The following TMEM108 variants were observed in gnomAD, a reference collection of about 807,000 sequenced individuals.
The protein encoded by TMEM108 is cancer/testis antigen 124.
Under a neutral mutation model 35.1 loss-of-function variants are expected in TMEM108, and 12 were observed. The ratio of observed to expected loss-of-function variants is 0.34; its 90% confidence interval spans 0.22 to 0.55. The LOEUF is 0.55. Ranked by LOEUF, TMEM108 falls within the 20% of genes least tolerant of loss-of-function variation. TMEM108 has a pLI of 0.89. For missense variants in TMEM108, 680 were observed against 753.3 expected, an observed-to-expected ratio of 0.90 and a Z score of 1.14; for synonymous variants, 287 against 308.6, an observed-to-expected ratio of 0.93 and a Z score of 0.73.
rs772951071 is a variant in TMEM108 at position 133,109,527 on chromosome 3, ACT to A, written c.-47+63510_-47+63511del. 3.3e-5 allele frequency among the ~76,000 whole-genome samples: 5 copies of A among 152,240 alleles called. No individual in the cohort carries two copies. In the East Asian group the frequency reaches 5.8e-4, roughly 18 times the overall value. On this transcript the variant is annotated intron_variant, in intron 2 of 5. Transcript: ENST00000321871. ...GGGGAGAGTTCAGAGTGATAAGCTA[ACT>A]CTGTTTCTAAAGAGAATAGGGCAAA...
At chr3:133,224,434 A>G (rs1440159981) in intron 2 of TMEM108, among the ~76,000 whole-genome samples, 1 of 152,228 alleles carries the variant, frequency 6.6e-6, no homozygotes, top group Non-Finnish European at 1.5e-5. Flanking sequence ...ATATTGATAC[A>G]GTTTGGCTGT....
At chr3:133,059,753 T>C (rs762850567) in intron 2 of TMEM108, among the ~76,000 whole-genome samples, 1 of 152,184 alleles carries the variant, frequency 6.6e-6, no homozygotes, top group Non-Finnish European at 1.5e-5. Context: ...ACAAAAATCA[T>C]TGTTTTTGTT....
chr3:133,060,846 G>GA (rs928366572), intron 2 of TMEM108, among the ~76,000 whole-genome samples: 4 of 151,778 alleles, frequency 2.6e-5, no homozygotes, highest in African/African-American at 4.8e-5. Context: ...GTGTTTGTAC[G>GA]AAAAAAAACT....
At chr3:133,236,179 C>G (rs544763630) in intron 3 of TMEM108, among the ~76,000 whole-genome samples, 2 of 152,170 alleles carry the variant, frequency 1.3e-5, no homozygotes, top group African/African-American at 4.8e-5. Context: ...ATTTGAATTT[C>G]TTAAATCATG....
chr3:133,213,218 T>A (rs964456420), intron 2 of TMEM108, among the ~76,000 whole-genome samples: 1 of 152,214 alleles, frequency 6.6e-6, no homozygotes, highest in Non-Finnish European at 1.5e-5. Context: ...TACACCATTA[T>A]TAGCCCAGGA....
intron 2 of TMEM108, among the ~76,000 whole-genome samples, chr3:133,046,680 C>T (rs910630536): frequency 1.3e-5 from 2 of 152,124 alleles, no homozygotes; most frequent in Admixed American, 1.3e-4. Flanking sequence ...ACTTGTGCTG[C>T]AGATTTTTGA....
At chr3:133,385,736 G>T (rs940601046) in intron 4 of TMEM108, among the ~76,000 whole-genome samples, 1 of 152,234 alleles carries the variant, frequency 6.6e-6, no homozygotes, top group Admixed American at 6.5e-5. Flanking sequence ...GACTTGGCTT[G>T]TGGAATCAAA....
chr3:133,052,670 T>C (rs1943419583), intron 2 of TMEM108, among the ~76,000 whole-genome samples: 1 of 152,116 alleles, frequency 6.6e-6, no homozygotes, highest in African/African-American at 2.4e-5. Flanking sequence ...AATGTTCTTT[T>C]CCTTTTGGTT....
intron 2 of TMEM108, among the ~76,000 whole-genome samples, chr3:133,100,597 C>T (rs1944074454): frequency 6.6e-6 from 1 of 152,010 alleles, no homozygotes; most frequent in Admixed American, 6.6e-5. Flanking sequence ...AGAGCAAGAC[C>T]CTGTCTCATA....
At chr3:133,370,814 A>G (rs755484448) in intron 3 of TMEM108, among the ~76,000 whole-genome samples, 6 of 151,588 alleles carry the variant, frequency 4.0e-5, no homozygotes, top group Non-Finnish European at 5.9e-5. Flanking sequence ...TATGTCCTCA[A>G]TATGCAGACA....
At position 133,254,743 on chromosome 3, in the gene TMEM108, G is replaced by A. The variant is rs116159402; in HGVS notation, c.40+25392G>A. On this transcript the variant is annotated intron_variant, in intron 3 of 5. Transcript: ENST00000321871. The stretch of plus-strand genomic sequence containing the variant: ...TGTTTAACAATTACCCCAGACCTTC[G>A]TGGCATAAAACAACCATGTATTATG... 4.4e-3 allele frequency among the ~76,000 whole-genome samples: 668 copies of A among 152,226 alleles called. 2 individuals carry two copies. Among genetic ancestry groups the A allele is most frequent in the African/African-American group, 0.015 (610 of 41,522 alleles).
chr3:133,261,892 C>T (rs1244023145), intron 3 of TMEM108, among the ~76,000 whole-genome samples: 1 of 152,178 alleles, frequency 6.6e-6, no homozygotes, highest in Non-Finnish European at 1.5e-5. Flanking sequence ...TGTGGAAAAC[C>T]ATGAGTTTGT....
At chr3:133,209,468 C>T (rs1373742242) in intron 2 of TMEM108, among the ~76,000 whole-genome samples, 1 of 152,120 alleles carries the variant, frequency 6.6e-6, no homozygotes, top group Non-Finnish European at 1.5e-5. Flanking sequence ...CCATGCCATG[C>T]TGCAAGCTCT....
chr3:133,362,334 A>G (rs1309308703), intron 3 of TMEM108, among the ~76,000 whole-genome samples: 2 of 152,092 alleles, frequency 1.3e-5, no homozygotes, highest in African/African-American at 2.4e-5. Context: ...TTTGTTCTGA[A>G]CCTGCAGCCT....
chr3:133,296,749 TAGA>T (rs2107699741), intron 3 of TMEM108, among the ~76,000 whole-genome samples: 1 of 152,192 alleles, frequency 6.6e-6, no homozygotes, highest in Non-Finnish European at 1.5e-5. Context: ...AGAGCTGGCA[TAGA>T]AGGATTAGGA....
At chr3:133,233,564 A>T (rs891120043) in intron 3 of TMEM108, among the ~76,000 whole-genome samples, 1 of 152,114 alleles carries the variant, frequency 6.6e-6, no homozygotes, top group Non-Finnish European at 1.5e-5. Context: ...CAGTAATGGG[A>T]TGGCTGGGTC....
chr3:133,391,697 T>A (rs1353060721), intron 5 of TMEM108, among the ~76,000 whole-genome samples: 1 of 152,172 alleles, frequency 6.6e-6, no homozygotes, highest in African/African-American at 2.4e-5. Context: ...TCCTACAACA[T>A]CTTCAGGCTC....
At chr3:133,309,479 G>A (rs1392907243) in intron 3 of TMEM108, among the ~76,000 whole-genome samples, 1 of 151,952 alleles carries the variant, frequency 6.6e-6, no homozygotes, top group Non-Finnish European at 1.5e-5. Context: ...GATCTTTCCT[G>A]CTTTCTCTTG....
intron 2 of TMEM108, among the ~76,000 whole-genome samples, chr3:133,196,810 T>A (rs1453949983): frequency 6.6e-6 from 1 of 152,192 alleles, no homozygotes; most frequent in African/African-American, 2.4e-5. Flanking sequence ...ATGGCAAGTT[T>A]ATCACATGTC....
Sources: gnomAD v4.1 joint callset for allele counts (sites outside exome capture counted in the v4.1 genomes callset) on GRCh38, gnomAD v4.1.1 for gene constraint, MANE v1.5 for transcripts, NCBI Gene and HGNC (gene_info 2026-07-23, HGNC 2026-07-21) for gene names.